TSC22D1: variants seen among roughly 807,000 people sequenced by gnomAD.
TSC22D1 encodes TSC22 domain family protein 1.
Under a neutral mutation model 74.2 loss-of-function variants are expected in TSC22D1, and 9 were observed. The observed-to-expected ratio is 0.12, with a 90% confidence interval of 0.07 to 0.21. The LOEUF is 0.21. Among genes scored for constraint, TSC22D1 ranks in the 10% least tolerant of loss-of-function variants. TSC22D1 has a pLI of 1.00. For synonymous variants in TSC22D1, 586 were observed against 492.5 expected, an observed-to-expected ratio of 1.19 and a Z score of -2.51; for missense variants, 1,427 against 1,304.7, an observed-to-expected ratio of 1.09 and a Z score of -1.44.
intron 1 of TSC22D1, among the ~76,000 whole-genome samples, chr13:44,517,873 T>TTTTTTTTTTTTTTTTTC: frequency 2.7e-5 from 3 of 109,430 alleles, no homozygotes; most frequent in Non-Finnish European, 3.9e-5. Flanking sequence ...TTTTTTTTTT[T>TTTTTTTTTTTTTTTTTC]TTTTTTAACA....
chr13:44,522,822 T>C (rs964070697), intron 1 of TSC22D1, among the ~76,000 whole-genome samples: 6 of 151,838 alleles, frequency 4.0e-5, no homozygotes, highest in Admixed American at 3.3e-4. Context: ...ATTGATAAGG[T>C]AGACTTCATT....
At chr13:44,560,398 T>C (rs1389778125) in intron 1 of TSC22D1, among the ~76,000 whole-genome samples, 1 of 152,248 alleles carries the variant, frequency 6.6e-6, no homozygotes, top group Admixed American at 6.5e-5. Context: ...ACCTAATATG[T>C]CATTCACTAA....
rs780818357 is a variant in TSC22D1 at position 44,575,427 on chromosome 13, A to G, written c.648T>C (p.His216=). ...QQNVVINGNA[H]PHHLHHHHQI... ...GATGGTGGTGATGGAGGTGGTGTGG[A>G]TGAGCATTCCCATTGATCACAACAT... The change falls in exon 1 of 3, where the codon CAT becomes CAC. Residue 216 remains histidine (H), a synonymous_variant. Coordinates refer to ENST00000458659, the MANE Select transcript of TSC22D1 (RefSeq NM_183422.4). 6 of 1,613,860 alleles carry G rather than the reference A, an allele frequency of 3.7e-6. No individual in the cohort carries two copies. Among genetic ancestry groups the G allele is most frequent in the Admixed American group, 1.7e-5 (1 of 59,960 alleles).
intron 1 of TSC22D1, among the ~76,000 whole-genome samples, chr13:44,459,352 CCCACTATGGATAT>C (rs1341886452): frequency 6.6e-6 from 1 of 152,142 alleles, no homozygotes; most frequent in African/African-American, 2.4e-5. Context: ...AAAGGAGCTA[CCCACTATGGATAT>C]CCTCTCTGCT....
intron 1 of TSC22D1, among the ~76,000 whole-genome samples, chr13:44,570,452 A>T (rs1329211959): frequency 6.6e-6 from 1 of 152,100 alleles, no homozygotes; most frequent in African/African-American, 2.4e-5. Flanking sequence ...TCAGCCTCCC[A>T]AAGTGCTGGG....
chr13:44,436,402 C>G (rs374128082), intron 1 of TSC22D1: 3 of 1,395,598 alleles, frequency 2.1e-6, no homozygotes, highest in East Asian at 2.3e-5. Flanking sequence ...TCACCATAAT[C>G]TCTCAGCAAT....
At chr13:44,505,324 C>A (rs1879398226) in intron 1 of TSC22D1, among the ~76,000 whole-genome samples, 1 of 152,138 alleles carries the variant, frequency 6.6e-6, no homozygotes, top group Admixed American at 6.5e-5. Context: ...GAGGCTGAGG[C>A]AGGCAGATCA....
At chr13:44,525,907 G>T (rs1030997343) in intron 1 of TSC22D1, among the ~76,000 whole-genome samples, 6 of 151,832 alleles carry the variant, frequency 4.0e-5, no homozygotes, top group African/African-American at 1.5e-4. Context: ...TTTGAACCTA[G>T]TCTGGACAAC....
intron 1 of TSC22D1, among the ~76,000 whole-genome samples, chr13:44,533,280 G>C (rs1332914288): frequency 6.6e-6 from 1 of 151,570 alleles, no homozygotes; most frequent in Non-Finnish European, 1.5e-5. Context: ...GGCCAACATG[G>C]TGAAACCTCA....
At chr13:44,461,273 T>C (rs1035475485) in intron 1 of TSC22D1, among the ~76,000 whole-genome samples, 3 of 152,240 alleles carry the variant, frequency 2.0e-5, no homozygotes, top group Non-Finnish European at 4.4e-5. Flanking sequence ...GAATATGAAC[T>C]CAGGTTTTTC....
intron 1 of TSC22D1, among the ~76,000 whole-genome samples, chr13:44,517,842 TATATATATATATATA>T (rs1171670533): frequency 2.1e-4 from 5 of 23,934 alleles, no homozygotes; most frequent in Non-Finnish European, 8.2e-4. Context: ...TATATATATA[TATATATATATATATA>T]TTTTTTTTTT....
intron 1 of TSC22D1, among the ~76,000 whole-genome samples, chr13:44,572,394 G>A (rs1290686679): frequency 6.6e-6 from 1 of 152,178 alleles, no homozygotes; most frequent in Non-Finnish European, 1.5e-5. Flanking sequence ...ATTAGCCAGA[G>A]ACCAAGGTCT....
At chr13:44,455,989 A>C (rs988605850) in intron 1 of TSC22D1, among the ~76,000 whole-genome samples, 1 of 152,252 alleles carries the variant, frequency 6.6e-6, no homozygotes, top group Non-Finnish European at 1.5e-5. Context: ...CTCAATACTC[A>C]AAAAGTACAA....
intron 1 of TSC22D1, among the ~76,000 whole-genome samples, chr13:44,453,181 A>G (rs1876293462): frequency 6.6e-6 from 1 of 152,230 alleles, no homozygotes; most frequent in Non-Finnish European, 1.5e-5. Flanking sequence ...TCTCCTTTGA[A>G]TATGTTTCTG....
intron 1 of TSC22D1, among the ~76,000 whole-genome samples, chr13:44,517,857 A>ATTTATATATATTTT (rs1880121062): frequency 6.2e-5 from 1 of 16,178 alleles, no homozygotes; most frequent in African/African-American, 1.8e-4. Flanking sequence ...ATATATATAT[A>ATTTATATATATTTT]TTTTTTTTTT....
intron 1 of TSC22D1, among the ~76,000 whole-genome samples, chr13:44,511,464 CATCTCAA>C (rs1879711379): frequency 6.6e-6 from 1 of 152,164 alleles, no homozygotes; most frequent in East Asian, 1.9e-4. Context: ...AGCTGTCTAT[CATCTCAA>C]TTAAGTTGTT....
At chr13:44,436,461 T>C in intron 1 of TSC22D1, 1 of 1,599,356 alleles carries the variant, frequency 6.3e-7, no homozygotes, top group Middle Eastern at 1.7e-4. Context: ...ATTATAAGTA[T>C]CCCACGAATA....
intron 1 of TSC22D1, among the ~76,000 whole-genome samples, chr13:44,455,093 T>C (rs926787085): frequency 6.6e-5 from 10 of 152,216 alleles, no homozygotes; most frequent in African/African-American, 2.4e-4. Context: ...TAAGTACATA[T>C]ACAGTATGTG....
chr13:44,537,260 AG>A (rs998435486), intron 1 of TSC22D1: 27 of 948,994 alleles, frequency 2.8e-5, no homozygotes, highest in Non-Finnish European at 3.3e-5. Context: ...AAAAACTCAA[AG>A]GTAAATTCAC....
Sources: gnomAD v4.1 joint callset for allele counts (sites outside exome capture counted in the v4.1 genomes callset) on GRCh38, gnomAD v4.1.1 for gene constraint, MANE v1.5 for transcripts, NCBI Gene and HGNC (gene_info 2026-07-23, HGNC 2026-07-21) for gene names.